KIAA0825: variants seen among roughly 807,000 people sequenced by gnomAD.
The protein encoded by KIAA0825 is KIAA0825.
KIAA0825 carries 119 observed loss-of-function variants against 147.6 expected under a neutral mutation model. The observed-to-expected ratio is 0.81, with a 90% CI of 0.69 to 0.94. KIAA0825 has a LOEUF of 0.94. Among genes scored for constraint, KIAA0825 ranks in the 40% least tolerant of loss-of-function variants. The probability of loss-of-function intolerance (pLI) is 0.00; values close to 1 mark genes in which losing one functional copy is unlikely to be tolerated. For missense variants in KIAA0825, 1,381 were observed against 1,472.7 expected (o/e 0.94, Z 1.02); for synonymous variants, 470 against 518.1 (o/e 0.91, Z 1.26).
intron 20 of KIAA0825, among the ~76,000 whole-genome samples, chr5:94,201,616 G>GTT (rs559774245): frequency 2.2e-4 from 31 of 143,372 alleles, no homozygotes; most frequent in African/African-American, 7.6e-4. Context: ...TGGTTTTTTG[G>GTT]TTTTTTTTTT....
At chr5:94,583,388 A>C (rs897056176) in intron 1 of KIAA0825, among the ~76,000 whole-genome samples, 1 of 152,210 alleles carries the variant, frequency 6.6e-6, no homozygotes, top group Non-Finnish European at 1.5e-5. Flanking sequence ...CACACCCATG[A>C]AGCCTTGCTT....
intron 13 of KIAA0825, among the ~76,000 whole-genome samples, chr5:94,450,724 T>C (rs1195297861): frequency 6.6e-6 from 1 of 152,176 alleles, no homozygotes; most frequent in Admixed American, 6.5e-5. Context: ...TTTTGGAGGA[T>C]ACATTCAGAC....
chr5:94,251,995 C>T (rs1487055718), intron 20 of KIAA0825, among the ~76,000 whole-genome samples: 6 of 151,870 alleles, frequency 4.0e-5, no homozygotes, highest in African/African-American at 1.2e-4. Context: ...TTGTCATTAA[C>T]AAGACATGAT....
intron 2 of KIAA0825, among the ~76,000 whole-genome samples, chr5:94,581,165 G>A (rs770505889): frequency 6.6e-6 from 1 of 152,000 alleles, no homozygotes; most frequent in Non-Finnish European, 1.5e-5. Flanking sequence ...TATATCTATA[G>A]AGGTGATAAC....
chr5:94,167,387 T>C (rs1562292312), intron 20 of KIAA0825, among the ~76,000 whole-genome samples: 1 of 152,298 alleles, frequency 6.6e-6, no homozygotes, highest in East Asian at 1.9e-4. Context: ...TTAATAGTTT[T>C]GTTTTCCTCT....
intron 20 of KIAA0825, among the ~76,000 whole-genome samples, chr5:94,353,907 A>G (rs1554262856): frequency 6.6e-6 from 1 of 152,212 alleles, no homozygotes; most frequent in Non-Finnish European, 1.5e-5. Flanking sequence ...CTTTATCATT[A>G]TATTATTATT....
intron 2 of KIAA0825, among the ~76,000 whole-genome samples, chr5:94,547,804 T>C (rs1774747125): frequency 6.6e-6 from 1 of 150,440 alleles, no homozygotes; most frequent in Non-Finnish European, 1.5e-5. Flanking sequence ...AGCTCCAGTA[T>C]GTCTGGCAGC....
chr5:94,447,897 T>C (rs1225982425), intron 13 of KIAA0825, among the ~76,000 whole-genome samples: 3 of 152,074 alleles, frequency 2.0e-5, no homozygotes, highest in Non-Finnish European at 4.4e-5. Context: ...AGAAAATTAG[T>C]AGTTAAAATG....
chr5:94,550,595 C>A (rs1184715642), intron 2 of KIAA0825, among the ~76,000 whole-genome samples: 2 of 152,156 alleles, frequency 1.3e-5, no homozygotes, highest in Non-Finnish European at 2.9e-5. Flanking sequence ...GTAATCCCAG[C>A]ACTTTGGGAG....
At chr5:94,244,561 T>A (rs1184490571) in intron 20 of KIAA0825, among the ~76,000 whole-genome samples, 1 of 152,154 alleles carries the variant, frequency 6.6e-6, no homozygotes, top group Non-Finnish European at 1.5e-5. Context: ...GGTCCTGAAC[T>A]CCTTGTCTCA....
intron 5 of KIAA0825, among the ~76,000 whole-genome samples, chr5:94,499,035 A>C (rs1303719553): frequency 6.6e-6 from 1 of 152,206 alleles, no homozygotes; most frequent in East Asian, 1.9e-4. Context: ...CTAGATTTGA[A>C]GGCACTTGAA....
At chr5:94,452,404 CAAGGA>C (rs1032219380) in intron 13 of KIAA0825, among the ~76,000 whole-genome samples, 1 of 152,030 alleles carries the variant, frequency 6.6e-6, no homozygotes, top group Admixed American at 6.6e-5. Flanking sequence ...TCTCAGATAC[CAAGGA>C]AAGGTACTTT....
In KIAA0825 at chr5:94,396,276, C is replaced by T; in HGVS notation, c.3121G>A (p.Asp1041Asn). 6.4e-7 allele frequency: 1 copy of T among 1,551,276 alleles called. No homozygotes were observed. The highest frequency in any genetic ancestry group is 8.7e-7 in the Non-Finnish European group (1 of 1,146,800). The change falls in exon 17 of 21, where the codon GAC becomes AAC. Residue 1041 changes from aspartate (D) to asparagine (N), a missense_variant. By Grantham distance (23) the Asp-to-Asn change is conservative. Coordinates refer to ENST00000682413, the MANE Select transcript of KIAA0825 (RefSeq NM_001145678.3). ...TVELLTGASLDRWSKEKLGLI... is the reference protein window; with the variant it reads ...TVELLTGASLNRWSKEKLGLI... ...CCCAATTTTTCTTTACTCCATCTGT[C>T]AAGAGAGGCACCTGTTAAAAGTTCC...
At chr5:94,422,772 C>G (rs2150741280) in intron 14 of KIAA0825, among the ~76,000 whole-genome samples, 1 of 152,240 alleles carries the variant, frequency 6.6e-6, no homozygotes, top group Admixed American at 6.6e-5. Context: ...CTAGATCTGC[C>G]TAAAGTATCC....
intron 20 of KIAA0825, among the ~76,000 whole-genome samples, chr5:94,257,763 C>T (rs947218144): frequency 6.6e-6 from 1 of 152,012 alleles, no homozygotes; most frequent in African/African-American, 2.4e-5. Context: ...TTCTCAGTCT[C>T]TTAAGATTTT....
In KIAA0825 at chr5:94,153,392, C is replaced by T. The variant is rs1766744444; in HGVS notation, c.*615G>A. 1 of 151,890 alleles carries T rather than the reference C, an allele frequency of 6.6e-6. No homozygotes were observed. 9.4% of individuals were successfully genotyped at this position (151,890 alleles called of 1,614,324 possible). ...AACATGGAGCCATTTGGTATAGGACCTGAATATGTATGAGTAGAAATTTGA... is the reference window on the plus strand; with the variant it reads ...AACATGGAGCCATTTGGTATAGGACTTGAATATGTATGAGTAGAAATTTGA... On this transcript the variant is annotated 3_prime_UTR_variant, in exon 21 of 21. Transcript: ENST00000682413.
At chr5:94,597,449 A>G (rs1370169980) in intron 1 of KIAA0825, among the ~76,000 whole-genome samples, 1 of 152,218 alleles carries the variant, frequency 6.6e-6, no homozygotes, top group Non-Finnish European at 1.5e-5. Flanking sequence ...CAGCAGTATA[A>G]GAAAATATAT....
At chr5:94,328,088 A>G (rs1246409338) in intron 20 of KIAA0825, among the ~76,000 whole-genome samples, 3 of 152,142 alleles carry the variant, frequency 2.0e-5, no homozygotes, top group Non-Finnish European at 4.4e-5. Flanking sequence ...TTTTCAAGTC[A>G]TCAATAGTTT....
intron 20 of KIAA0825, among the ~76,000 whole-genome samples, chr5:94,280,134 C>T (rs969333165): frequency 1.3e-5 from 2 of 152,024 alleles, no homozygotes; most frequent in African/African-American, 4.8e-5. Context: ...AAGAATAAAA[C>T]TGGAGTTCGG....
Sources: gnomAD v4.1 joint callset for allele counts (sites outside exome capture counted in the v4.1 genomes callset) on GRCh38, gnomAD v4.1.1 for gene constraint, MANE v1.5 for transcripts, NCBI Gene and HGNC (gene_info 2026-07-23, HGNC 2026-07-21) for gene names.